The following HIBADH variants were observed in gnomAD, a reference collection of about 807,000 sequenced individuals.
The protein encoded by HIBADH is 3-hydroxyisobutyrate dehydrogenase.
A neutral mutation model predicts 36.1 loss-of-function variants in HIBADH; 25 were observed. The ratio of observed to expected loss-of-function variants is 0.69; its 90% CI spans 0.50 to 0.97. HIBADH has a LOEUF of 0.97. Among genes scored for constraint, HIBADH ranks in the 50% least tolerant of loss-of-function variants. HIBADH has a pLI of 0.00. For missense variants in HIBADH, 421 were observed against 418.0 expected, an observed-to-expected ratio of 1.01 and a Z score of -0.06; for synonymous variants, 160 against 149.5, an observed-to-expected ratio of 1.07 and a Z score of -0.51.
At chr7:27,545,198 T>C (rs550249663) in intron 4 of HIBADH, among the ~76,000 whole-genome samples, 5 of 152,184 alleles carry the variant, frequency 3.3e-5, no homozygotes, top group African/African-American at 1.2e-4. Flanking sequence ...CCCAGCACTT[T>C]GGGAGGTTGA....
intron 4 of HIBADH, among the ~76,000 whole-genome samples, chr7:27,543,735 T>G (rs1009920103): frequency 6.6e-6 from 1 of 152,246 alleles, no homozygotes; most frequent in Non-Finnish European, 1.5e-5. Flanking sequence ...TCCTTCCTGC[T>G]ATACATCTTT....
In HIBADH at chr7:27,662,832, G is replaced by C. The variant is rs977942041; in HGVS notation, c.-44C>G. On this transcript the variant is annotated 5_prime_UTR_variant, in exon 1 of 8. Coordinates refer to ENST00000265395, the MANE Select transcript of HIBADH (RefSeq NM_152740.4). ...CCCGCGGTGACCTCCGCCGCCTCCC[G>C]GAGGGCCCACAGACTGCGAGCGTGT... 2.1e-6 allele frequency: 3 copies of C among 1,408,652 alleles called. No individual in the cohort carries two copies. The South Asian group carries it at 4.1e-5, about 19-fold the overall frequency. The allele number at this position is 1,408,652 out of a possible 1,614,324, so 87.3% of individuals were successfully genotyped here.
chr7:27,641,006 A>G (rs138825312), intron 2 of HIBADH, among the ~76,000 whole-genome samples: 3 of 152,232 alleles, frequency 2.0e-5, no homozygotes, highest in East Asian at 3.9e-4. Flanking sequence ...ATATTCTAAA[A>G]TACTTCTTCA....
chr7:27,538,231 G>T, intron 6 of HIBADH, 110 bp downstream of exon 6: 1 of 819,398 alleles, frequency 1.2e-6, no homozygotes, highest in Non-Finnish European at 1.9e-6. Flanking sequence ...CTTTCAAAAT[G>T]TTCTTGGATC....
rs1420242425 is a variant in HIBADH at position 27,632,431 on chromosome 7, T to C, written c.267A>G (p.Pro89=). The change falls in exon 3 of 8, where the codon CCA becomes CCG. Residue 89 remains proline, a synonymous_variant. Transcript: ENST00000265395. ...QDAGEQVVSS[P]ADVAEKADRI... is the part of the protein sequence containing the mutation. The stretch of plus-strand genomic sequence containing the variant: ...TGTCAGCTTTTTCAGCAACATCTGC[T>C]GGGGAAGATACTACCTTTAAAAAAA... The C allele has an allele frequency of 6.2e-7, 1 of 1,612,464 alleles. No individual in the cohort carries two copies. Among genetic ancestry groups the C allele is most frequent in the Non-Finnish European group, 8.5e-7 (1 of 1,178,806 alleles).
intron 4 of HIBADH, among the ~76,000 whole-genome samples, chr7:27,551,969 C>T (rs964024867): frequency 5.9e-5 from 9 of 152,118 alleles, no homozygotes; most frequent in Non-Finnish European, 8.8e-5. Context: ...GGACCATTTA[C>T]GACTTGCTAT....
At chr7:27,557,094 C>G (rs1358630566) in intron 4 of HIBADH, among the ~76,000 whole-genome samples, 1 of 150,542 alleles carries the variant, frequency 6.6e-6, no homozygotes, top group African/African-American at 2.5e-5. Context: ...GAGGCATGTT[C>G]ACACCACTGC....
In HIBADH at chr7:27,526,052, CA is replaced by C; in HGVS notation, c.*161del. The C allele has an allele frequency of 1.9e-6, 1 of 519,600 alleles. No homozygotes were observed. The highest frequency in any genetic ancestry group is 3.0e-6 in the Non-Finnish European group (1 of 332,680). The allele number at this position is 519,600 out of a possible 1,614,324, so 32.2% of individuals were successfully genotyped here. A position where few individuals can be genotyped will look rare whatever the true frequency, so the allele number is the denominator to read the frequency against. On this transcript the variant is annotated 3_prime_UTR_variant, in exon 8 of 8. Coordinates refer to ENST00000265395, the MANE Select transcript of HIBADH (RefSeq NM_152740.4). ...TCGGATAATATGTTTGTTAAAAAGA[CA>C]AAAAGAATAAGCGGTGAAAAATCCT...
At chr7:27,587,901 T>G (rs1784887585) in intron 4 of HIBADH, among the ~76,000 whole-genome samples, 1 of 152,212 alleles carries the variant, frequency 6.6e-6, no homozygotes, top group Non-Finnish European at 1.5e-5. Flanking sequence ...CATCAGTAGT[T>G]ACACTTTCAA....
intron 4 of HIBADH, among the ~76,000 whole-genome samples, chr7:27,574,506 CTT>C (rs1256465390): frequency 0.03 from 3,651 of 120,934 alleles, 126 homozygotes; most frequent in African/African-American, 0.099. Flanking sequence ...ACAGGTAACT[CTT>C]TACCTTTTTT....
At chr7:27,611,061 C>T (rs569132527) in intron 4 of HIBADH, among the ~76,000 whole-genome samples, 1 of 152,170 alleles carries the variant, frequency 6.6e-6, no homozygotes, top group African/African-American at 2.4e-5. Flanking sequence ...AAACAAATTA[C>T]TAAAACTTAA....
chr7:27,653,716 G>A (rs1331738395), intron 1 of HIBADH, among the ~76,000 whole-genome samples: 5 of 151,032 alleles, frequency 3.3e-5, no homozygotes, highest in Non-Finnish European at 7.4e-5. Flanking sequence ...CAGCCTGGGC[G>A]ACAATGTGAG....
chr7:27,630,896 G>T (rs1785735825), intron 3 of HIBADH, among the ~76,000 whole-genome samples: 1 of 151,922 alleles, frequency 6.6e-6, no homozygotes, highest in Admixed American at 6.6e-5. Flanking sequence ...AAAAGAATAA[G>T]AATTAAGTTT....
chr7:27,559,809 A>C (rs781554053), intron 4 of HIBADH, among the ~76,000 whole-genome samples: 1 of 152,166 alleles, frequency 6.6e-6, no homozygotes, highest in Non-Finnish European at 1.5e-5. Context: ...TATTTGTAGT[A>C]TTCTATTAAA....
At chr7:27,626,411 T>C (rs1445411088) in intron 4 of HIBADH, among the ~76,000 whole-genome samples, 1 of 152,176 alleles carries the variant, frequency 6.6e-6, no homozygotes, top group Admixed American at 6.5e-5. Flanking sequence ...AGTTTAAGCA[T>C]TACTTTCGAT....
At chr7:27,542,660 C>T (rs1373033119) in intron 5 of HIBADH, among the ~76,000 whole-genome samples, 4 of 151,730 alleles carry the variant, frequency 2.6e-5, no homozygotes, top group Non-Finnish European at 5.9e-5. Flanking sequence ...CTATGTTGCC[C>T]TGGCTGGTGT....
intron 1 of HIBADH, among the ~76,000 whole-genome samples, chr7:27,650,540 T>G (rs1018739383): frequency 6.6e-6 from 1 of 150,972 alleles, no homozygotes; most frequent in Non-Finnish European, 1.5e-5. Flanking sequence ...TCACCCAGAT[T>G]GGAGGGCAGT....
At chr7:27,536,145 T>A (rs1314418272) in intron 6 of HIBADH, among the ~76,000 whole-genome samples, 2 of 152,138 alleles carry the variant, frequency 1.3e-5, no homozygotes, top group Non-Finnish European at 2.9e-5. Context: ...CTCTATACTC[T>A]ATTAGAGAAC....
At chr7:27,566,702 C>T (rs1431008728) in intron 4 of HIBADH, among the ~76,000 whole-genome samples, 1 of 152,076 alleles carries the variant, frequency 6.6e-6, no homozygotes, top group Non-Finnish European at 1.5e-5. Context: ...CTTCCAAGCA[C>T]TGCTTTAGGA....
Sources: allele counts gnomAD v4.1 joint callset (sites outside exome capture counted in the v4.1 genomes callset), GRCh38; gene constraint gnomAD v4.1.1; transcripts MANE v1.5; gene names NCBI Gene and HGNC (gene_info 2026-07-23, HGNC 2026-07-21).